TNS2: variants seen among roughly 807,000 people sequenced by gnomAD.
TNS2 encodes the protein tensin-2.
TNS2 carries 77 observed loss-of-function variants against 155.7 expected under a neutral mutation model. The observed-to-expected ratio is 0.49, with a 90% CI of 0.41 to 0.60. The LOEUF (loss-of-function observed/expected upper bound fraction) is 0.60. TNS2 is among the 20% of genes least tolerant of loss of function. The pLI is 0.00. For synonymous variants in TNS2, 726 were observed against 763.9 expected, an observed-to-expected ratio of 0.95 and a Z score of 0.82; for missense variants, 1,703 against 1,868.8, an observed-to-expected ratio of 0.91 and a Z score of 1.64.
Position 53,061,064 on chromosome 12 carries a change from C to T in TNS2, c.3158C>T (p.Pro1053Leu). The T allele has an allele frequency of 6.2e-7, 1 of 1,613,230 alleles. No individual in the cohort carries two copies. The highest frequency in any genetic ancestry group is 1.1e-5 in the South Asian group (1 of 90,980). ...VASPEPPQSS[P>L]TPAFPLAASY... ...AGCCCAGAGCCGCCTCAGAGCTCAC[C>T]TACACCTGCTTTCCCCCTGGCTGCC... is the stretch of plus-strand genomic sequence containing the variant. The change falls in exon 20 of 29, where the codon CCT (proline) becomes CTT (leucine). Residue 1053 changes from proline (P) to leucine (L), a missense_variant. Coordinates refer to ENST00000314250, the MANE Select transcript of TNS2 (RefSeq NM_170754.4).
chr12:53,062,951 T>C, intron 25 of TNS2, 138 bp from the exon 26 acceptor site: 1 of 1,173,974 alleles, frequency 8.5e-7, no homozygotes, highest in South Asian at 1.6e-5. Context: ...TCCAGTAGAG[T>C]CATGGAATCT....
At chr12:53,056,142 G>C (rs151179381) in intron 10 of TNS2, 3 of 268,814 alleles carry the variant, frequency 1.1e-5, no homozygotes, top group African/African-American at 2.2e-5. Flanking sequence ...GGTCACCTGA[G>C]GTCAGGAGTT....
upstream of TNS2, among the ~76,000 whole-genome samples, chr12:53,047,874 G>C (rs1378859167): frequency 2.0e-5 from 3 of 152,248 alleles, no homozygotes; most frequent in East Asian, 5.8e-4. Context: ...CAGAGCCGCC[G>C]CCCTCCCTCG....
At chr12:53,047,934 T>C (rs1417906502), upstream of TNS2, among the ~76,000 whole-genome samples, 1 of 152,084 alleles carries the variant, frequency 6.6e-6, no homozygotes, top group Non-Finnish European at 1.5e-5. Context: ...GCTCCCAGCC[T>C]CCCTTCCAAC....
chr12:53,055,097 A>G, intron 7 of TNS2, 89 bp from the exon 8 acceptor site: 1 of 1,456,106 alleles, frequency 6.9e-7, no homozygotes, highest in South Asian at 1.1e-5. Flanking sequence ...ACCTTATTTT[A>G]GAGGAAGATT....
upstream of TNS2, among the ~76,000 whole-genome samples, chr12:53,047,321 C>T (rs868127674): frequency 1.4e-5 from 2 of 146,026 alleles, no homozygotes; most frequent in East Asian, 2.0e-4. Context: ...GGCGGCTCCC[C>T]CTGCTGCTGC....
At chr12:53,049,153 G>GGTGGA, upstream of TNS2, 2 of 1,575,840 alleles carry the variant, frequency 1.3e-6, no homozygotes, top group Non-Finnish European at 1.7e-6. Context: ...CATGGATGGG[G>GGTGGA]GTGGAGTATG....
intron 15 of TNS2, 51 bp from the exon 16 acceptor site, chr12:53,058,511 GGCAGGCAGGA>G: frequency 2.5e-6 from 4 of 1,613,836 alleles, no homozygotes; most frequent in Non-Finnish European, 3.4e-6. Context: ...GCAGGTGGCA[GGCAGGCAGGA>G]GAGTGTGGTA....
chr12:53,060,650 G>C lies in TNS2; in HGVS notation c.2769-25G>C, dbSNP rs113467805. 8.0e-5 allele frequency: 126 copies of C among 1,583,376 alleles called. 1 individual carries two copies. In the African/African-American group the frequency reaches 1.2e-3, roughly 16 times the overall value. The stretch of plus-strand genomic sequence containing the variant: ...GAGCAGCCACAATGGGGGCTCTGCT[G>C]ACCATCTGCCCTTCCACCCTACAGC... On this transcript the variant is annotated intron_variant, in intron 19 of 28. Transcript: ENST00000314250. The surrounding 1 kb of genome is among the most constrained non-coding windows in gnomAD (Gnocchi z 6.1).
Position 53,050,235 on chromosome 12 carries a change from G to T in TNS2, c.50G>T (p.Arg17Met). 6.2e-7 allele frequency: 1 copy of T among 1,610,144 alleles called. No individual in the cohort carries two copies. Among genetic ancestry groups the T allele is most frequent in the African/African-American group, 1.3e-5 (1 of 75,010 alleles). ...VERLLRALGR[R>M]DSSRAASRPR... ...AGGCTGCTCAGAGCCCTGGGGAGGA[G>T]GGACAGCAGCCGGGCCGCAAGCAGG... Residue 17 changes from arginine to methionine, a missense_variant, in exon 1 of 29, where the codon AGG becomes ATG. By Grantham distance (91) the Arg-to-Met change is moderately conservative. Transcript: ENST00000314250. This position sits in a 1 kb window ranked among gnomAD's most constrained non-coding sequence, Gnocchi z 4.7.
rs1029694586 is a variant in TNS2, at chr12:53,061,210, A to G, written c.3304A>G (p.Ser1102Gly). The change falls in exon 20 of 29, where the codon AGT becomes GGT. Residue 1102 changes from serine (S) to glycine (G), a missense_variant. Coordinates refer to ENST00000314250, the MANE Select transcript of TNS2 (RefSeq NM_170754.4). ...EQASSPARGI[S>G]HHVTFAPLLS... ...GGCATCATCGCCAGCCAGAGGCATC[A>G]GTCACCATGTCACCTTCGCACCTCT... 1 of 1,576,606 alleles carries G rather than the reference A, an allele frequency of 6.3e-7. No individual in the cohort carries two copies. The highest frequency in any genetic ancestry group is 1.4e-5 in the African/African-American group (1 of 73,912).
At chr12:53,047,718 G>A (rs1259304594), upstream of TNS2, among the ~76,000 whole-genome samples, 1 of 152,124 alleles carries the variant, frequency 6.6e-6, no homozygotes, top group African/African-American at 2.4e-5. Context: ...GGCCTGGCAG[G>A]GTGCGGGCGA....
rs755728156 is a variant in TNS2 at position 53,063,045 on chromosome 12, A to AG, written c.3824-40dup. 6.6e-7 allele frequency: 1 copy of AG among 1,505,012 alleles called. No individual in the cohort carries two copies. Among genetic ancestry groups the AG allele is most frequent in the Non-Finnish European group, 8.8e-7 (1 of 1,130,394 alleles). The allele number at this position is 1,505,012 out of a possible 1,614,324, so 93.2% of individuals were successfully genotyped here. The stretch of plus-strand genomic sequence containing the variant: ...TGTGCAAGAGCTGGTGGGGGTGGCT[A>AG]GGGGATGGGCACTCCCTCCCTGACC... On this transcript the variant is annotated intron_variant, in intron 25 of 28. Coordinates refer to ENST00000314250, the MANE Select transcript of TNS2 (RefSeq NM_170754.4). The surrounding 1 kb of genome is among the most constrained non-coding windows in gnomAD (Gnocchi z 5.6).
chr12:53,058,321 A>G lies in TNS2; in HGVS notation c.1101A>G (p.Thr367=), dbSNP rs1226910524. The change falls in exon 15 of 29, where the codon ACA becomes ACG. Residue 367 remains threonine, a synonymous_variant. Coordinates refer to ENST00000314250, the MANE Select transcript of TNS2 (RefSeq NM_170754.4). ...GCCTCCTGCCTTTCTCCCAGGTAACATGTTATCACAAGGGTGGCCGGGGCA... is the reference window on the plus strand; with the variant it reads ...GCCTCCTGCCTTTCTCCCAGGTAACGTGTTATCACAAGGGTGGCCGGGGCA... ...ALLLKGDVMV[T]CYHKGGRGTD... is the part of the protein sequence containing the mutation. 4 of 1,613,980 alleles carry G rather than the reference A, an allele frequency of 2.5e-6. No homozygotes were observed. Among genetic ancestry groups the G allele is most frequent in the Admixed American group, 3.3e-5 (2 of 60,000 alleles).
chr12:53,048,522 G>A (rs752446550), upstream of TNS2, among the ~76,000 whole-genome samples: 25 of 152,074 alleles, frequency 1.6e-4, no homozygotes, highest in Non-Finnish European at 2.8e-4. Context: ...GGCCAGGCCC[G>A]GTTGCCCACA....
intron 2 of TNS2, 144 bp downstream of exon 2, chr12:53,052,107 C>T: frequency 2.8e-6 from 2 of 707,706 alleles, no homozygotes; most frequent in Non-Finnish European, 4.6e-6. Context: ...CAGCTGCCTC[C>T]CCCTTCAGAT....
chr12:53,057,981 C>T (rs374802919), intron 13 of TNS2, 46 bp from the exon 14 acceptor site: 50 of 1,612,060 alleles, frequency 3.1e-5, no homozygotes, highest in African/African-American at 2.9e-4. Flanking sequence ...TGCCTCTGCA[C>T]GCAGGAGCTT....
At chr12:53,051,474 C>T (rs1943928278) in intron 1 of TNS2, among the ~76,000 whole-genome samples, 1 of 151,682 alleles carries the variant, frequency 6.6e-6, no homozygotes, top group South Asian at 2.1e-4. Flanking sequence ...CCTCCCTGCT[C>T]ACTCTGCACA....
At position 53,060,113 on chromosome 12, in the gene TNS2, CTCCCCACGGGCTGGCTCCATT is replaced by C. The variant is rs1464625213; in HGVS notation, c.2478_2498del (p.Arg827_Pro833del). 1 of 1,610,900 alleles carries C rather than the reference CTCCCCACGGGCTGGCTCCATT, an allele frequency of 6.2e-7. No homozygotes were observed. The highest frequency in any genetic ancestry group is 8.5e-7 in the Non-Finnish European group (1 of 1,178,516). ...GAGGGTATCCCAGCCCTGGTGCCCA[CTCCCCACGGGCTGGCTCCATT>C]TCCCCGGGCAGCCCGCCCTATCCAC... On this transcript the variant is annotated inframe_deletion, in exon 18 of 29. Transcript: ENST00000314250. This position sits in a 1 kb window ranked among gnomAD's most constrained non-coding sequence, Gnocchi z 6.1.
Sources: gnomAD v4.1 joint callset for allele counts (sites outside exome capture counted in the v4.1 genomes callset) on GRCh38, gnomAD v4.1.1 for gene constraint, Gnocchi (gnomAD v3.1) non-coding constraint, MANE v1.5 for transcripts, NCBI Gene and HGNC (gene_info 2026-07-23, HGNC 2026-07-21) for gene names.